Variants in ARRDC1 observed in about 807,000 individuals in gnomAD.
ARRDC1 encodes the protein arrestin domain-containing protein 1.
In ARRDC1, 37 loss-of-function variants were observed where a neutral mutation model predicts 40.1. The ratio of observed to expected loss-of-function variants is 0.92; its 90% CI spans 0.71 to 1.21. The LOEUF (loss-of-function observed/expected upper bound fraction) is 1.21, where lower values mean the gene tolerates loss of function less well. Ranked by LOEUF, ARRDC1 falls within the 50% of genes most tolerant of loss-of-function variation. The probability of loss-of-function intolerance (pLI) is 0.00; values close to 1 mark genes in which losing one functional copy is unlikely to be tolerated. For synonymous variants in ARRDC1, 310 were observed against 262.5 expected (o/e 1.18, Z -1.75); for missense variants, 641 against 581.9 (o/e 1.10, Z -1.04).
chr9:137,606,800 G>A (rs1366615665), intron 1 of ARRDC1, among the ~76,000 whole-genome samples: 2 of 152,264 alleles, frequency 1.3e-5, no homozygotes, highest in South Asian at 2.1e-4. Flanking sequence ...GGCCGTGGCA[G>A]GGCAGAGATA....
In ARRDC1 at chr9:137,613,690, G is replaced by A. The variant is rs759881692; in HGVS notation, c.356G>A (p.Arg119Gln). ...GTGAGGGCCGCCATCCACACGCCAC[G>A]GTTTTCCAAGGATCACAAGTGCAGC... The part of the protein sequence containing the change: ...HQVRAAIHTP[R>Q]FSKDHKCSLV... Residue 119 changes from arginine to glutamine, a missense_variant, in exon 4 of 8, where the codon CGG (arginine) becomes CAG (glutamine). Coordinates refer to ENST00000371421, the MANE Select transcript of ARRDC1 (RefSeq NM_152285.4). 19 of 1,614,076 alleles carry A rather than the reference G, an allele frequency of 1.2e-5. No homozygotes were observed. In the African/African-American group the frequency reaches 1.3e-4, roughly 11 times the overall value.
Position 137,614,177 on chromosome 9 carries a change from G to A in ARRDC1, c.581G>A (p.Gly194Asp). ...CATGCCGACGTTGAGAACCAGTCAG[G>A]CAAGGACACCAGCCCTGTGGTGGCC... ...QLHADVENQS[G>D]KDTSPVVASL... The change falls in exon 5 of 8, where the codon GGC (glycine) becomes GAC (aspartate). Residue 194 changes from glycine (G) to aspartate (D), a missense_variant. Gly to Asp is a moderately conservative substitution (Grantham distance 94, BLOSUM62 -1). Transcript: ENST00000371421. 3 of 1,609,972 alleles carry A rather than the reference G, an allele frequency of 1.9e-6. No individual in the cohort carries two copies. The highest frequency in any genetic ancestry group is 2.5e-6 in the Non-Finnish European group (3 of 1,177,360).
chr9:137,611,739 G>A (rs1479070694), intron 1 of ARRDC1: 1 of 151,352 alleles, frequency 6.6e-6, no homozygotes, highest in Non-Finnish European at 1.5e-5. Flanking sequence ...CAGCTGCCGA[G>A]GGGTAGGCAG....
intron 2 of ARRDC1, 40 bp downstream of exon 2, chr9:137,613,046 G>C (rs1270360015): frequency 6.6e-7 from 1 of 1,505,536 alleles, no homozygotes; most frequent in East Asian, 2.3e-5. Flanking sequence ...GACCCCTGGG[G>C]GCAGCCCTTG....
intron 1 of ARRDC1, among the ~76,000 whole-genome samples, chr9:137,606,217 T>G (rs1842421108): frequency 6.6e-6 from 1 of 151,550 alleles, no homozygotes; most frequent in Admixed American, 6.6e-5. Context: ...GGCGCGGGCG[T>G]GCGGTCCCGG....
intron 1 of ARRDC1, among the ~76,000 whole-genome samples, chr9:137,606,119 C>T (rs1842418869): frequency 1.3e-5 from 2 of 151,828 alleles, no homozygotes. Flanking sequence ...CGCAGGCCTG[C>T]GACCCTCCCC....
chr9:137,607,815 G>A (rs1390900000), intron 1 of ARRDC1, among the ~76,000 whole-genome samples: 1 of 152,086 alleles, frequency 6.6e-6, no homozygotes, highest in African/African-American at 2.4e-5. Flanking sequence ...GTGGTGCAAG[G>A]GAGGGGCTGC....
chr9:137,614,181 G>C lies in ARRDC1; in HGVS notation c.585G>C (p.Lys195Asn). 1 of 1,609,174 alleles carries C rather than the reference G, an allele frequency of 6.2e-7. No homozygotes were observed. The highest frequency in any genetic ancestry group is 1.7e-4 in the Middle Eastern group (1 of 6,040). ...LHADVENQSG[K>N]DTSPVVASLL... The stretch of plus-strand genomic sequence containing the variant: ...CCGACGTTGAGAACCAGTCAGGCAA[G>C]GACACCAGCCCTGTGGTGGCCAGTC... Residue 195 changes from lysine to asparagine, a missense_variant, in exon 5 of 8, where the codon AAG becomes AAC. Physicochemically the swap from Lys to Asn is moderately conservative, Grantham distance 94 (BLOSUM62 0). Coordinates refer to ENST00000371421, the MANE Select transcript of ARRDC1 (RefSeq NM_152285.4).
At position 137,614,060 on chromosome 9, in the gene ARRDC1, A is replaced by G; in HGVS notation, c.464A>G (p.Lys155Arg). The change falls in exon 5 of 8, where the codon AAG becomes AGG. Residue 155 changes from lysine to arginine, a missense_variant. Coordinates refer to ENST00000371421, the MANE Select transcript of ARRDC1 (RefSeq NM_152285.4). ...EQPNVASATKKFSYKLVKTGS... is the reference protein window; with the variant it reads ...EQPNVASATKRFSYKLVKTGS... ...CCCAACGTGGCCTCTGCCACCAAGA[A>G]GTTCTCCTACAAGCTGGTGAAGACG... 7 of 1,613,694 alleles carry G rather than the reference A, an allele frequency of 4.3e-6. No individual in the cohort carries two copies. Among genetic ancestry groups the G allele is most frequent in the Non-Finnish European group, 5.9e-6 (7 of 1,179,960 alleles).
At chr9:137,610,701 T>C (rs374812958) in intron 1 of ARRDC1, among the ~76,000 whole-genome samples, 1 of 152,180 alleles carries the variant, frequency 6.6e-6, no homozygotes, top group Non-Finnish European at 1.5e-5. Context: ...GTAGCTGGGA[T>C]TACAGGCATG....
Position 137,614,067 on chromosome 9 carries a change from C to T in ARRDC1, c.471C>T (p.Ser157=). Reference sequence around the variant, plus strand: ...TGGCCTCTGCCACCAAGAAGTTCTCCTACAAGCTGGTGAAGACGGGCAGCG... The same window carrying T: ...TGGCCTCTGCCACCAAGAAGTTCTCTTACAAGCTGGTGAAGACGGGCAGCG... ...PNVASATKKF[S]YKLVKTGSVV... is the part of the protein sequence containing the mutation. Residue 157 remains serine, a synonymous_variant, in exon 5 of 8, where the codon TCC becomes TCT. Transcript: ENST00000371421. 2 of 1,613,844 alleles carry T rather than the reference C, an allele frequency of 1.2e-6. No individual in the cohort carries two copies. Among genetic ancestry groups the T allele is most frequent in the Admixed American group, 1.7e-5 (1 of 60,012 alleles).
At position 137,614,132 on chromosome 9, in the gene ARRDC1, T is replaced by G; in HGVS notation, c.536T>G (p.Val179Gly). The G allele has an allele frequency of 6.2e-7, 1 of 1,613,248 alleles. No homozygotes were observed. Among genetic ancestry groups the G allele is most frequent in the African/African-American group, 1.3e-5 (1 of 74,924 alleles). Reference sequence around the variant, plus strand: ...AGCACTGATCTCCGCGGCTATGTGGTGGGGCAGGCACTGCAGCTGCATGCC... The same window carrying G: ...AGCACTGATCTCCGCGGCTATGTGGGGGGGCAGGCACTGCAGCTGCATGCC... The part of the protein sequence containing the change: ...TASTDLRGYV[V>G]GQALQLHADV... Residue 179 changes from valine to glycine, a missense_variant, in exon 5 of 8, where the codon GTG becomes GGG. By Grantham distance (109) the Val-to-Gly change is moderately radical. Transcript: ENST00000371421.
intron 1 of ARRDC1, among the ~76,000 whole-genome samples, chr9:137,610,241 C>T (rs1588985891): frequency 6.6e-6 from 1 of 152,194 alleles, no homozygotes; most frequent in Non-Finnish European, 1.5e-5. Context: ...TTATATCTCA[C>T]AGCGTTGTGG....
intron 1 of ARRDC1, among the ~76,000 whole-genome samples, chr9:137,607,746 G>A (rs144637376): frequency 1.3e-5 from 2 of 152,328 alleles, no homozygotes; most frequent in East Asian, 3.9e-4. Context: ...TTCTGTGGCA[G>A]GCGTGAGTCC....
intron 3 of ARRDC1, 38 bp downstream of exon 3, chr9:137,613,548 C>G: frequency 1.2e-6 from 2 of 1,614,024 alleles, no homozygotes; most frequent in Non-Finnish European, 1.7e-6. Flanking sequence ...TGATGACCAA[C>G]TGGTCCTGGG....
chr9:137,612,609 T>C (rs1588988573), intron 1 of ARRDC1: 2 of 356,878 alleles, frequency 5.6e-6, no homozygotes, highest in Non-Finnish European at 1.0e-5. Flanking sequence ...ATCTGGGGGG[T>C]AACCCAGCCA....
chr9:137,607,573 C>T (rs1157958846), intron 1 of ARRDC1, among the ~76,000 whole-genome samples: 1 of 152,190 alleles, frequency 6.6e-6, no homozygotes. Flanking sequence ...CGACCAGGGC[C>T]GACAGTGGTT....
intron 4 of ARRDC1, 123 bp downstream of exon 4, chr9:137,613,892 T>C: frequency 6.5e-7 from 1 of 1,527,690 alleles, no homozygotes; most frequent in Non-Finnish European, 8.9e-7. Context: ...GGCCAGGGTC[T>C]GGAGGCAGTG....
At chr9:137,609,307 T>A (rs536206898) in intron 1 of ARRDC1, among the ~76,000 whole-genome samples, 1 of 151,968 alleles carries the variant, frequency 6.6e-6, no homozygotes, top group Admixed American at 6.6e-5. Context: ...TCTCAGCTGC[T>A]CACCGCAACC....
Sources: allele counts gnomAD v4.1 joint callset (sites outside exome capture counted in the v4.1 genomes callset), GRCh38; gene constraint gnomAD v4.1.1; transcripts MANE v1.5; gene names NCBI Gene and HGNC (gene_info 2026-07-23, HGNC 2026-07-21).